FRMD4A: variants seen among roughly 807,000 people sequenced by gnomAD.
The protein encoded by FRMD4A is FERM domain-containing protein 4A.
FRMD4A carries 29 observed loss-of-function variants against 129.1 expected under a neutral mutation model. The observed-to-expected ratio is 0.22, with a 90% CI of 0.17 to 0.31. The LOEUF (loss-of-function observed/expected upper bound fraction) is 0.31, where lower values mean the gene tolerates loss of function less well. Ranked by LOEUF, FRMD4A falls within the 10% of genes least tolerant of loss-of-function variation. FRMD4A has a pLI of 1.00. For synonymous variants in FRMD4A, 634 were observed against 571.6 expected (o/e 1.11, Z -1.56); for missense variants, 1,272 against 1,375.8 (o/e 0.92, Z 1.19).
intron 2 of FRMD4A, among the ~76,000 whole-genome samples, chr10:14,224,735 C>T (rs889441981): frequency 5.9e-5 from 9 of 152,086 alleles, no homozygotes; most frequent in East Asian, 1.9e-4. Context: ...CTCCTTGGAG[C>T]GTATGAATTT....
At chr10:13,886,814 A>C (rs2131148521) in intron 2 of FRMD4A, among the ~76,000 whole-genome samples, 1 of 152,282 alleles carries the variant, frequency 6.6e-6, no homozygotes, top group South Asian at 2.1e-4. Flanking sequence ...TCACTCAGCG[A>C]TTTGCTTATA....
At position 14,066,008 on chromosome 10, in the gene FRMD4A, T is replaced by TGTGTGTG. The variant is rs1588899002; in HGVS notation, c.46-207097_46-207096insCACACAC. Among the ~76,000 whole-genome samples the TGTGTGTG allele has an allele frequency of 7.9e-4, 110 of 139,222 alleles. 2 individuals are homozygous for TGTGTGTG. The highest frequency in any genetic ancestry group is 2.9e-3 in the African/African-American group (107 of 37,438). The allele number at this position is 139,222 out of a possible 152,430, so 91.3% of individuals were successfully genotyped here. Reference sequence around the variant, plus strand: ...GGAAGTATGAAGTGGGGGTATGTATTTGTGTGTGTGTGTGTGTGTGTGTGT... The same window carrying TGTGTGTG: ...GGAAGTATGAAGTGGGGGTATGTATTGTGTGTGTGTGTGTGTGTGTGTGTGTGTGTGT... On this transcript the variant is annotated intron_variant, in intron 2 of 24. Coordinates refer to ENST00000357447, the MANE Select transcript of FRMD4A (RefSeq NM_018027.5).
At chr10:14,140,944 G>C (rs942662585) in intron 2 of FRMD4A, among the ~76,000 whole-genome samples, 9 of 152,070 alleles carry the variant, frequency 5.9e-5, no homozygotes, top group African/African-American at 2.2e-4. Context: ...AAGTGGCAGG[G>C]ACCGGCCAGC....
intron 2 of FRMD4A, among the ~76,000 whole-genome samples, chr10:13,935,420 T>C (rs1005835704): frequency 2.5e-5 from 3 of 121,446 alleles, no homozygotes; most frequent in African/African-American, 9.8e-5. Context: ...CACTCTAGCC[T>C]GTGTGACAAG....
chr10:14,039,431 TATATTGGAACCCCAAAATCAATCA>T (rs376611434), intron 2 of FRMD4A, among the ~76,000 whole-genome samples: 6 of 151,044 alleles, frequency 4.0e-5, no homozygotes, highest in African/African-American at 1.5e-4. Context: ...TCTATCTATC[TATATTGGAACCCCAAAATCAATCA>T]ATCTATCTAT....
At chr10:13,740,734 C>T (rs759657109) in intron 9 of FRMD4A, among the ~76,000 whole-genome samples, 157 bp from the exon 10 acceptor site, 1 of 151,758 alleles carries the variant, frequency 6.6e-6, no homozygotes, top group Non-Finnish European at 1.5e-5. Flanking sequence ...TTTCCAAACT[C>T]GGTCTGAGTG....
At chr10:13,667,795 G>C (rs1260513801) in intron 17 of FRMD4A, 1 of 152,252 alleles carries the variant, frequency 6.6e-6, no homozygotes, top group African/African-American at 2.4e-5. Flanking sequence ...GGGCATATTT[G>C]GCAGCCTGAA....
At chr10:14,142,739 G>A (rs988987871) in intron 2 of FRMD4A, among the ~76,000 whole-genome samples, 6 of 152,288 alleles carry the variant, frequency 3.9e-5, no homozygotes, top group East Asian at 1.9e-4. Flanking sequence ...GAAAACGCAA[G>A]CTTTTTAGAA....
intron 2 of FRMD4A, among the ~76,000 whole-genome samples, chr10:14,253,982 G>T (rs1488923649): frequency 6.6e-6 from 1 of 152,096 alleles, no homozygotes. Flanking sequence ...CTCTGCAGAC[G>T]ATACACTTTC....
chr10:14,184,014 A>G (rs1211859207), intron 2 of FRMD4A, among the ~76,000 whole-genome samples: 1 of 152,202 alleles, frequency 6.6e-6, no homozygotes, highest in African/African-American at 2.4e-5. Context: ...TATGGTTTCC[A>G]AGCATGTTTT....
chr10:13,975,640 T>C (rs1245986395), intron 2 of FRMD4A, among the ~76,000 whole-genome samples: 3 of 152,030 alleles, frequency 2.0e-5, no homozygotes, highest in Non-Finnish European at 4.4e-5. Flanking sequence ...CATGTGTGTG[T>C]GAATCTCTAT....
chr10:14,200,426 T>A lies in FRMD4A; in HGVS notation c.45+129632A>T, dbSNP rs575773868. Among the ~76,000 whole-genome samples the A allele has an allele frequency of 2.2e-4, 33 of 152,254 alleles. 1 individual carries two copies. Among genetic ancestry groups the A allele is most frequent in the African/African-American group, 7.9e-4 (33 of 41,560 alleles). On this transcript the variant is annotated intron_variant, in intron 2 of 24. Coordinates refer to ENST00000357447, the MANE Select transcript of FRMD4A (RefSeq NM_018027.5). ...CTCCCACCTCTGTCTCCAGAGTAGC[T>A]GGGACCACAGGCACCCCCACCTTGC...
At chr10:13,895,224 C>T (rs2094743753) in intron 2 of FRMD4A, among the ~76,000 whole-genome samples, 1 of 152,138 alleles carries the variant, frequency 6.6e-6, no homozygotes, top group Non-Finnish European at 1.5e-5. Context: ...TTTTCCATAT[C>T]TTCCCCCTCC....
At chr10:13,678,820 G>A (rs1449828916) in intron 15 of FRMD4A, among the ~76,000 whole-genome samples, 1 of 152,084 alleles carries the variant, frequency 6.6e-6, no homozygotes, top group African/African-American at 2.4e-5. Context: ...GGTGCACATT[G>A]ATGTTTTGGT....
At chr10:13,707,629 A>C in intron 12 of FRMD4A, 1 of 988,058 alleles carries the variant, frequency 1.0e-6, no homozygotes, top group Non-Finnish European at 1.2e-6. Context: ...TCCCATCGGG[A>C]CTCCACTTCC....
At chr10:13,661,390 G>A (rs2082629515) in intron 19 of FRMD4A, among the ~76,000 whole-genome samples, 1 of 152,194 alleles carries the variant, frequency 6.6e-6, no homozygotes, top group Non-Finnish European at 1.5e-5. Context: ...ACCAAAGTGT[G>A]GAGGCCCTGA....
At chr10:13,698,750 C>A (rs1468665064) in intron 14 of FRMD4A, among the ~76,000 whole-genome samples, 1 of 152,140 alleles carries the variant, frequency 6.6e-6, no homozygotes, top group Non-Finnish European at 1.5e-5. Flanking sequence ...GATGAAAGAC[C>A]CACCCGGGGT....
At chr10:13,847,156 G>T (rs558738052) in intron 3 of FRMD4A, among the ~76,000 whole-genome samples, 41 of 152,328 alleles carry the variant, frequency 2.7e-4, no homozygotes, top group African/African-American at 9.9e-4. Flanking sequence ...CCGGGTTGGA[G>T]GAGGAGTAGG....
chr10:14,298,348 A>G (rs991052172), intron 2 of FRMD4A, among the ~76,000 whole-genome samples: 27 of 152,202 alleles, frequency 1.8e-4, no homozygotes, highest in Non-Finnish European at 8.8e-5. Flanking sequence ...AGTTTTGATT[A>G]TAAACAGAGC....
Sources: gnomAD v4.1 joint callset for allele counts (sites outside exome capture counted in the v4.1 genomes callset) on GRCh38, gnomAD v4.1.1 for gene constraint, MANE v1.5 for transcripts, NCBI Gene and HGNC (gene_info 2026-07-23, HGNC 2026-07-21) for gene names.